The following CORIN variants were observed in gnomAD, a reference collection of about 807,000 sequenced individuals.
The protein encoded by CORIN is atrial natriuretic peptide-converting enzyme.
CORIN carries 117 observed loss-of-function variants against 125.3 expected under a neutral mutation model. That is an observed-to-expected ratio of 0.93 (90% CI 0.80 to 1.09). The LOEUF is 1.09. Among genes scored for constraint, CORIN ranks in the 50% least tolerant of loss-of-function variants. The pLI is 0.00. For missense variants in CORIN, 1,253 were observed against 1,306.7 expected, an observed-to-expected ratio of 0.96 and a Z score of 0.63; for synonymous variants, 450 against 466.4, an observed-to-expected ratio of 0.96 and a Z score of 0.45.
At chr4:47,750,273 C>A (rs192732884) in intron 4 of CORIN, among the ~76,000 whole-genome samples, 2 of 152,284 alleles carry the variant, frequency 1.3e-5, no homozygotes, top group Non-Finnish European at 2.9e-5. Context: ...TGGGGATGGA[C>A]AGCGGTGCAA....
At chr4:47,698,268 AATATT>A in intron 5 of CORIN, among the ~76,000 whole-genome samples, 1 of 151,822 alleles carries the variant, frequency 6.6e-6, no homozygotes, top group East Asian at 1.9e-4. Context: ...TAATAACATT[AATATT>A]ATTAATATTG....
intron 19 of CORIN, among the ~76,000 whole-genome samples, chr4:47,611,321 G>A (rs1470859602): frequency 2.0e-5 from 3 of 152,076 alleles, no homozygotes; most frequent in Admixed American, 2.0e-4. Flanking sequence ...TCTCTTGTTA[G>A]CTGTATTCTT....
At chr4:47,667,820 T>C (rs1724551486) in intron 10 of CORIN, among the ~76,000 whole-genome samples, 1 of 152,170 alleles carries the variant, frequency 6.6e-6, no homozygotes, top group African/African-American at 2.4e-5. Flanking sequence ...TCCTTTCCTG[T>C]GATTTGTGAA....
chr4:47,711,913 CA>C (rs1173838563), intron 5 of CORIN, among the ~76,000 whole-genome samples: 2 of 152,220 alleles, frequency 1.3e-5, no homozygotes, highest in African/African-American at 4.8e-5. Context: ...ATAAACGTGA[CA>C]GACTTCAGCA....
At chr4:47,685,746 T>C (rs936578890) in intron 6 of CORIN, among the ~76,000 whole-genome samples, 5 of 152,086 alleles carry the variant, frequency 3.3e-5, no homozygotes, top group African/African-American at 1.2e-4. Context: ...TTTATTTCCC[T>C]TATTTAAAGT....
chr4:47,767,379 T>G (rs991147768), intron 3 of CORIN, among the ~76,000 whole-genome samples: 1 of 150,408 alleles, frequency 6.6e-6, no homozygotes, highest in East Asian at 2.0e-4. Context: ...AAAAGAAAAA[T>G]ATTCATCTAT....
chr4:47,734,634 G>A (rs1421497031), intron 5 of CORIN, among the ~76,000 whole-genome samples: 4 of 152,184 alleles, frequency 2.6e-5, no homozygotes, highest in Admixed American at 1.3e-4. Context: ...AAGGTAGGAA[G>A]TATGTTAAAC....
chr4:47,719,571 GAAC>G (rs1675455457), intron 5 of CORIN, among the ~76,000 whole-genome samples: 1 of 152,012 alleles, frequency 6.6e-6, no homozygotes, highest in South Asian at 2.1e-4. Context: ...TTTTCTATCA[GAAC>G]AACAAGACAT....
At chr4:47,642,865 G>A (rs1174470986) in intron 15 of CORIN, 3 of 1,457,114 alleles carry the variant, frequency 2.1e-6, no homozygotes, top group East Asian at 2.5e-5. Flanking sequence ...TTTTAATGAA[G>A]AGTTTTTAAA....
At chr4:47,631,910 A>AAT (rs1722822229) in intron 16 of CORIN, among the ~76,000 whole-genome samples, 1 of 152,208 alleles carries the variant, frequency 6.6e-6, no homozygotes, top group Non-Finnish European at 1.5e-5. Flanking sequence ...CACACATACA[A>AAT]ATATATCACT....
intron 19 of CORIN, 88 bp from the exon 20 acceptor site, chr4:47,603,756 G>A: frequency 7.0e-7 from 1 of 1,425,216 alleles, no homozygotes; most frequent in South Asian, 1.4e-5. Context: ...TTTTATTTAT[G>A]TAAATAATGG....
At chr4:47,706,290 T>C in intron 5 of CORIN, 1 of 984,536 alleles carries the variant, frequency 1.0e-6, no homozygotes, top group Non-Finnish European at 1.5e-6. Flanking sequence ...TCATAAGCTC[T>C]AAACTGCTCT....
intron 15 of CORIN, chr4:47,642,694 TAGG>T: frequency 1.8e-6 from 1 of 561,678 alleles, no homozygotes; most frequent in South Asian, 3.0e-5. Flanking sequence ...GAGGTGCTGG[TAGG>T]AGATGTCTTT....
intron 19 of CORIN, among the ~76,000 whole-genome samples, chr4:47,620,614 A>G (rs191658698): frequency 6.6e-6 from 1 of 152,300 alleles, no homozygotes. Context: ...AGTGTGGGAG[A>G]ATAGTGCTAG....
At chr4:47,634,546 A>C (rs1303991974) in intron 16 of CORIN, among the ~76,000 whole-genome samples, 1 of 152,212 alleles carries the variant, frequency 6.6e-6, no homozygotes, top group African/African-American at 2.4e-5. Context: ...AGGCAGGAGA[A>C]TCACTTAAAC....
intron 5 of CORIN, among the ~76,000 whole-genome samples, chr4:47,716,920 A>C (rs1413554932): frequency 6.6e-6 from 1 of 152,182 alleles, no homozygotes; most frequent in East Asian, 1.9e-4. Flanking sequence ...GTTGGAAGAC[A>C]TGTATATACC....
intron 5 of CORIN, among the ~76,000 whole-genome samples, chr4:47,732,121 A>G (rs1156370103): frequency 3.9e-5 from 6 of 152,202 alleles, no homozygotes; most frequent in Admixed American, 3.9e-4. Context: ...GATTTCCCAG[A>G]GAAAATATAT....
chr4:47,793,433 A>C (rs1489485590), intron 2 of CORIN, among the ~76,000 whole-genome samples: 2 of 152,190 alleles, frequency 1.3e-5, no homozygotes, highest in Admixed American at 1.3e-4. Context: ...CAGTTAAAGA[A>C]AGGTTAGCTT....
intron 2 of CORIN, among the ~76,000 whole-genome samples, chr4:47,799,364 C>T (rs1356279679): frequency 6.6e-6 from 1 of 152,058 alleles, no homozygotes; most frequent in Non-Finnish European, 1.5e-5. Flanking sequence ...AAAGTTTTTT[C>T]CACAGTGACT....
Sources: allele counts gnomAD v4.1 joint callset (sites outside exome capture counted in the v4.1 genomes callset), GRCh38; gene constraint gnomAD v4.1.1; transcripts MANE v1.5; gene names NCBI Gene and HGNC (gene_info 2026-07-23, HGNC 2026-07-21).